Variants in HIVEP3 observed in about 807,000 individuals in gnomAD.
HIVEP3 encodes HIVEP zinc finger 3, also known as transcription factor HIVEP3.
A neutral mutation model predicts 152.8 loss-of-function variants in HIVEP3; 49 were observed. The ratio of observed to expected loss-of-function variants is 0.32; its 90% CI spans 0.26 to 0.41. HIVEP3 has a LOEUF of 0.41. Ranked by LOEUF, HIVEP3 falls within the 10% of genes least tolerant of loss-of-function variation. The pLI, the probability that HIVEP3 is intolerant of heterozygous loss-of-function variation, is 1.00. For missense variants in HIVEP3, 2,790 were observed against 3,103.3 expected, an observed-to-expected ratio of 0.90 and a Z score of 2.40; for synonymous variants, 1,269 against 1,289.0, an observed-to-expected ratio of 0.98 and a Z score of 0.33.
intron 1 of HIVEP3, among the ~76,000 whole-genome samples, chr1:41,934,324 T>G (rs1221169997): frequency 1.3e-5 from 2 of 152,172 alleles, no homozygotes; most frequent in African/African-American, 4.8e-5. Flanking sequence ...GCTGAATTCA[T>G]ATAGGTATGT....
intron 1 of HIVEP3, among the ~76,000 whole-genome samples, chr1:41,963,075 G>A (rs919434479): frequency 1.3e-5 from 2 of 152,216 alleles, no homozygotes; most frequent in African/African-American, 2.4e-5. Flanking sequence ...GCAGTGGCGC[G>A]ATCTCGGCTC....
At chr1:41,765,240 T>C (rs1418139216) in intron 1 of HIVEP3, among the ~76,000 whole-genome samples, 1 of 152,226 alleles carries the variant, frequency 6.6e-6, no homozygotes, top group Non-Finnish European at 1.5e-5. Flanking sequence ...TGTTCCTTTT[T>C]CAGACTTCCT....
At position 41,581,500 on chromosome 1, in the gene HIVEP3, C is replaced by T. The variant is rs759071184; in HGVS notation, c.3298G>A (p.Gly1100Arg). 1.2e-5 allele frequency: 19 copies of T among 1,576,944 alleles called. No homozygotes were observed. The highest frequency in any genetic ancestry group is 1.6e-5 in the Non-Finnish European group (19 of 1,162,274). The change falls in exon 4 of 9, where the codon GGA becomes AGA. Residue 1100 changes from glycine to arginine, a missense_variant. Gly to Arg is a moderately radical substitution (Grantham distance 125, BLOSUM62 -2). Coordinates refer to ENST00000372583, the MANE Select transcript of HIVEP3 (RefSeq NM_024503.5). The surrounding 1 kb of genome is among the most constrained non-coding windows in gnomAD (Gnocchi z 4.5). ...CTGTCCTGCCCTGGGCCCTTGCCTC[C>T]CGGGGGTCCACCATGTGAGGTGGCC... ...SAATSHGGPP[G>R]GKGPGQDRPP...
At chr1:41,943,786 C>T (rs1337148177) in intron 1 of HIVEP3, among the ~76,000 whole-genome samples, 2 of 152,148 alleles carry the variant, frequency 1.3e-5, no homozygotes, top group Non-Finnish European at 2.9e-5. Flanking sequence ...TCAAGGAAGC[C>T]ATAGCTTTTT....
intron 1 of HIVEP3, among the ~76,000 whole-genome samples, chr1:41,723,324 C>G (rs1354343159): frequency 2.0e-5 from 3 of 152,084 alleles, no homozygotes; most frequent in Non-Finnish European, 4.4e-5. Flanking sequence ...TGGGGCCCCT[C>G]TCTTTCCTGC....
chr1:41,729,210 C>T (rs1211907652), intron 1 of HIVEP3, among the ~76,000 whole-genome samples: 1 of 152,224 alleles, frequency 6.6e-6, no homozygotes, highest in African/African-American at 2.4e-5. Flanking sequence ...GAGCCCAGTG[C>T]ACAGGGGTGA....
chr1:41,768,584 C>T (rs1648154883), intron 1 of HIVEP3, among the ~76,000 whole-genome samples: 1 of 152,222 alleles, frequency 6.6e-6, no homozygotes, highest in Non-Finnish European at 1.5e-5. Context: ...CAGCTAGCTC[C>T]TTTGACGTAT....
intron 2 of HIVEP3, among the ~76,000 whole-genome samples, chr1:41,661,335 G>A (rs917591723): frequency 6.6e-6 from 1 of 152,176 alleles, no homozygotes; most frequent in African/African-American, 2.4e-5. Context: ...GATGCTATCT[G>A]CACCTGTTTT....
At chr1:42,011,909 C>T (rs769246489) in intron 1 of HIVEP3, among the ~76,000 whole-genome samples, 14 of 152,174 alleles carry the variant, frequency 9.2e-5, no homozygotes, top group African/African-American at 2.4e-4. Flanking sequence ...TTTGCACTTT[C>T]GCTGGTGCTG....
In HIVEP3 at chr1:41,584,930, C is replaced by G. The variant is rs530535443; in HGVS notation, c.-133G>C. Reference sequence around the variant, plus strand: ...AGAGCTGTGGGAGCCAAACCCAAGACGGCTTTGGGAGTTTTTTGCAAGTGT... The same window carrying G: ...AGAGCTGTGGGAGCCAAACCCAAGAGGGCTTTGGGAGTTTTTTGCAAGTGT... On this transcript the variant is annotated 5_prime_UTR_variant, in exon 4 of 9. Coordinates refer to ENST00000372583, the MANE Select transcript of HIVEP3 (RefSeq NM_024503.5). The surrounding 1 kb of genome is among the most constrained non-coding windows in gnomAD (Gnocchi z 5.2). 3 of 829,452 alleles carry G rather than the reference C, an allele frequency of 3.6e-6. No individual in the cohort carries two copies. Among genetic ancestry groups the G allele is most frequent in the East Asian group, 5.7e-5 (2 of 35,122 alleles). The allele number at this position is 829,452 out of a possible 1,614,324, so 51.4% of individuals were successfully genotyped here. A position where few individuals can be genotyped will look rare whatever the true frequency, so the allele number is the denominator to read the frequency against.
intron 1 of HIVEP3, among the ~76,000 whole-genome samples, chr1:41,715,720 T>A (rs1646582632): frequency 6.6e-6 from 1 of 152,196 alleles, no homozygotes; most frequent in African/African-American, 2.4e-5. Flanking sequence ...AGCATCTTGG[T>A]GCTACCATAG....
At position 41,584,384 on chromosome 1, in the gene HIVEP3, G is replaced by T. The variant is rs61773680; in HGVS notation, c.414C>A (p.Leu138=). Residue 138 remains leucine, a synonymous_variant, in exon 4 of 9, where the codon CTC becomes CTA. Transcript: ENST00000372583. The surrounding 1 kb of genome is among the most constrained non-coding windows in gnomAD (Gnocchi z 5.2). ...AAGGAAGGAGCTGGCTCTGAGGATG[G>T]AGCCCAGGGGCCACGAAGGAGCCAG... The part of the protein sequence containing the change: ...GPSGSFVAPG[L]HPQSQLLPSH... The T allele has an allele frequency of 0.021, 33,393 of 1,613,718 alleles. 435 individuals are homozygous for T. Among genetic ancestry groups the T allele is most frequent in the Non-Finnish European group, 0.025 (29,751 of 1,179,782 alleles).
At chr1:41,558,188 A>T (rs1331652848) in intron 5 of HIVEP3, among the ~76,000 whole-genome samples, 1 of 152,120 alleles carries the variant, frequency 6.6e-6, no homozygotes, top group East Asian at 1.9e-4. Flanking sequence ...CAGGAGAGGG[A>T]TGATGCCCCC....
chr1:41,729,151 A>G (rs1295633657), intron 1 of HIVEP3, among the ~76,000 whole-genome samples: 3 of 152,102 alleles, frequency 2.0e-5, no homozygotes, highest in Non-Finnish European at 4.4e-5. Flanking sequence ...CAGGGAGTCC[A>G]CCTCCCAAGG....
chr1:41,773,753 G>A (rs1377339973), intron 1 of HIVEP3, among the ~76,000 whole-genome samples: 1 of 152,234 alleles, frequency 6.6e-6, no homozygotes, highest in Non-Finnish European at 1.5e-5. Context: ...TGGTGATGCT[G>A]AGTTGAGCTA....
At chr1:41,686,359 C>A (rs1487882820) in intron 2 of HIVEP3, among the ~76,000 whole-genome samples, 2 of 152,194 alleles carry the variant, frequency 1.3e-5, no homozygotes, top group African/African-American at 4.8e-5. Context: ...CAGGCATGAG[C>A]CACCACACCC....
At chr1:41,671,817 G>A (rs1428356962) in intron 2 of HIVEP3, among the ~76,000 whole-genome samples, 1 of 152,234 alleles carries the variant, frequency 6.6e-6, no homozygotes, top group Non-Finnish European at 1.5e-5. Flanking sequence ...AAGCTTGTCA[G>A]AGGAGATGAG....
At chr1:41,790,305 C>G (rs1649615465) in intron 1 of HIVEP3, among the ~76,000 whole-genome samples, 1 of 152,160 alleles carries the variant, frequency 6.6e-6, no homozygotes, top group Non-Finnish European at 1.5e-5. Context: ...ACCATGGGAT[C>G]TCTGAACATG....
At chr1:41,908,144 G>C (rs971665788) in intron 1 of HIVEP3, among the ~76,000 whole-genome samples, 1 of 152,102 alleles carries the variant, frequency 6.6e-6, no homozygotes, top group African/African-American at 2.4e-5. Flanking sequence ...GAAGAGGAAA[G>C]AGACCATCTC....
Sources: gnomAD v4.1 joint callset for allele counts (sites outside exome capture counted in the v4.1 genomes callset) on GRCh38, gnomAD v4.1.1 for gene constraint, Gnocchi (gnomAD v3.1) non-coding constraint, MANE v1.5 for transcripts, NCBI Gene and HGNC (gene_info 2026-07-23, HGNC 2026-07-21) for gene names.